Variants in NCKIPSD observed in about 807,000 individuals in gnomAD.
NCKIPSD encodes NCK interacting protein with SH3 domain, also known as NCK-interacting protein with SH3 domain.
NCKIPSD carries 48 observed loss-of-function variants against 73.4 expected under a neutral mutation model. That is an observed-to-expected ratio of 0.65 (90% CI 0.52 to 0.83). The LOEUF is 0.83. Among genes scored for constraint, NCKIPSD ranks in the 40% least tolerant of loss-of-function variants. The pLI is 0.00. For synonymous variants in NCKIPSD, 422 were observed against 403.6 expected (o/e 1.05, Z -0.54); for missense variants, 884 against 970.2 (o/e 0.91, Z 1.18).
In NCKIPSD at chr3:48,680,080, T is replaced by C. The variant is rs529209255; in HGVS notation, c.1242A>G (p.Leu414=). 1.2e-4 allele frequency: 196 copies of C among 1,613,334 alleles called. No individual in the cohort carries two copies. Among genetic ancestry groups the C allele is most frequent in the Non-Finnish European group, 1.6e-4 (187 of 1,179,454 alleles). Residue 414 remains leucine, a synonymous_variant, in exon 6 of 13, where the codon CTA becomes CTG. Coordinates refer to ENST00000294129, the MANE Select transcript of NCKIPSD (RefSeq NM_016453.4). The part of the protein sequence containing the change: ...YEDEGVIRCY[L]EELLHILTDA... ...TTACCAGAATATGCAGCAGCTCCTC[T>C]AGGTAGCAGCGGATGACACCCTCAT...
intron 12 of NCKIPSD, 116 bp from the exon 13 acceptor site, chr3:48,674,863 C>T: frequency 1.9e-6 from 2 of 1,028,154 alleles, no homozygotes; most frequent in Non-Finnish European, 2.9e-6. Flanking sequence ...AACATCAGGG[C>T]TGCATCCCCA....
chr3:48,681,921 T>G, intron 4 of NCKIPSD, 124 bp downstream of exon 4: 1 of 1,463,080 alleles, frequency 6.8e-7, no homozygotes. Flanking sequence ...AGCCCCTAAT[T>G]GCCCCAAAAT....
intron 1 of NCKIPSD, among the ~76,000 whole-genome samples, chr3:48,685,081 G>T (rs1022716856): frequency 4.6e-5 from 7 of 151,080 alleles, no homozygotes; most frequent in African/African-American, 1.5e-4. Context: ...GGTCCAAGTT[G>T]GGGGGTTGAG....
At position 48,674,490 on chromosome 3, in the gene NCKIPSD, CCT is replaced by C. The variant is rs548613940; in HGVS notation, c.*52_*53del. The C allele has an allele frequency of 1.8e-4, 271 of 1,542,470 alleles. 1 individual carries two copies. The Middle Eastern group carries it at 4.7e-3, about 27-fold the overall frequency. On this transcript the variant is annotated 3_prime_UTR_variant, in exon 13 of 13. Transcript: ENST00000294129. ...TGCAAAACATTCTTAGGGCCAAGCCCCTGAGTCCCCTGCACACTGACTGGAGC... is the reference window on the plus strand; with the variant it reads ...TGCAAAACATTCTTAGGGCCAAGCCCGAGTCCCCTGCACACTGACTGGAGC...
chr3:48,674,385 T>C lies in NCKIPSD; in HGVS notation c.*159A>G. On this transcript the variant is annotated 3_prime_UTR_variant, in exon 13 of 13. Transcript: ENST00000294129. ...CAGACCATGGTCCCCAATCCTACAC[T>C]TGGCCCCTCTCTTAAGTTCTACTTC... is the stretch of plus-strand genomic sequence containing the variant. The C allele has an allele frequency of 1.4e-6, 2 of 1,452,536 alleles. No homozygotes were observed. The highest frequency in any genetic ancestry group is 1.8e-6 in the Non-Finnish European group (2 of 1,104,628). 90.0% of individuals were successfully genotyped at this position (1,452,536 alleles called of 1,614,324 possible).
rs1347348988 is a variant in NCKIPSD at position 48,685,662 on chromosome 3, G to T, written c.146C>A (p.Pro49Gln). ...RARSGETGYV[P>Q]PAYLRRLQGL... is the part of the protein sequence containing the mutation. ...CTGCAGGCGGCGCAGGTAGGCTGGC[G>T]GCACGTAGCCCGTCTCACCACTGCG... Residue 49 changes from proline to glutamine, a missense_variant, in exon 1 of 13, where the codon CCG becomes CAG. Pro to Gln is a moderately conservative substitution (Grantham distance 76). Coordinates refer to ENST00000294129, the MANE Select transcript of NCKIPSD (RefSeq NM_016453.4). The T allele has an allele frequency of 2.6e-6, 4 of 1,525,656 alleles. No individual in the cohort carries two copies. The South Asian group carries it at 3.6e-5, about 14-fold the overall frequency. 94.5% of individuals were successfully genotyped at this position (1,525,656 alleles called of 1,614,324 possible).
rs755027188 is a variant in NCKIPSD at position 48,678,879 on chromosome 3, C to A, written c.1790G>T (p.Gly597Val). The A allele has an allele frequency of 2.2e-5, 36 of 1,613,776 alleles. No homozygotes were observed. The highest frequency in any genetic ancestry group is 1.6e-4 in the Middle Eastern group (1 of 6,084). Residue 597 changes from glycine to valine, a missense_variant and splice_region_variant, in exon 11 of 13, where the codon GGG (glycine) becomes GTG (valine). By Grantham distance (109) the Gly-to-Val change is moderately radical. Transcript: ENST00000294129. The part of the protein sequence containing the change: ...SEKLLLLLNR[G>V]DDPVRIFKHE... ...CGCGCAGATTCCCGGGCCCTCACCC[C>A]CTCTGTTCAGGAGCAACAACAGCTT...
intron 7 of NCKIPSD, 42 bp from the exon 8 acceptor site, chr3:48,679,755 AC>A (rs779189284): frequency 6.2e-7 from 1 of 1,614,084 alleles, no homozygotes; most frequent in Non-Finnish European, 8.5e-7. Flanking sequence ...GAACTCCCCC[AC>A]TATCTAGGTC....
intron 12 of NCKIPSD, 141 bp downstream of exon 12, chr3:48,678,423 G>T: frequency 9.0e-7 from 1 of 1,112,972 alleles, no homozygotes; most frequent in Non-Finnish European, 1.2e-6. Flanking sequence ...TTTGGGTCTT[G>T]GTGCACCTAT....
chr3:48,680,423 G>A (rs1403526424), intron 5 of NCKIPSD, among the ~76,000 whole-genome samples, 194 bp from the exon 6 acceptor site: 3 of 152,152 alleles, frequency 2.0e-5, no homozygotes, highest in African/African-American at 7.2e-5. Context: ...AGACTCATCT[G>A]TAGGGGGTTT....
chr3:48,681,931 T>C (rs1168058900), intron 4 of NCKIPSD, 114 bp downstream of exon 4: 5 of 1,468,898 alleles, frequency 3.4e-6, no homozygotes, highest in Non-Finnish European at 4.6e-6. Context: ...TGCCCCAAAA[T>C]GGGAGTCCTG....
Position 48,680,086 on chromosome 3 carries a change from G to A in NCKIPSD, c.1236C>T (p.Cys412=), listed in dbSNP as rs767354590. The change falls in exon 6 of 13, where the codon TGC becomes TGT. Residue 412 remains cysteine (C), a synonymous_variant. Transcript: ENST00000294129. ...GAATATGCAGCAGCTCCTCTAGGTAGCAGCGGATGACACCCTCATCCTCAT... is the reference window on the plus strand; with the variant it reads ...GAATATGCAGCAGCTCCTCTAGGTAACAGCGGATGACACCCTCATCCTCAT... ...ALYEDEGVIR[C]YLEELLHILT... The A allele has an allele frequency of 4.3e-6, 7 of 1,613,618 alleles. No individual in the cohort carries two copies. The African/African-American group carries it at 8.0e-5, about 18-fold the overall frequency.
At chr3:48,683,162 G>C (rs975630624) in intron 1 of NCKIPSD, 150 bp from the exon 2 acceptor site, 1 of 1,395,144 alleles carries the variant, frequency 7.2e-7, no homozygotes, top group Non-Finnish European at 9.7e-7. Flanking sequence ...CCAGAATATG[G>C]AATGGGGTTC....
chr3:48,684,958 G>A (rs1300211804), intron 1 of NCKIPSD, among the ~76,000 whole-genome samples: 1 of 151,944 alleles, frequency 6.6e-6, no homozygotes, highest in African/African-American at 2.4e-5. Context: ...TTCAAATAAG[G>A]TTGGTAGAGA....
At chr3:48,675,929 C>T (rs2106743545) in intron 12 of NCKIPSD, among the ~76,000 whole-genome samples, 1 of 152,284 alleles carries the variant, frequency 6.6e-6, no homozygotes, top group South Asian at 2.1e-4. Flanking sequence ...TCCCTCATTT[C>T]TCTTTTTACC....
intron 12 of NCKIPSD, among the ~76,000 whole-genome samples, chr3:48,675,818 T>C (rs1347799016): frequency 1.3e-5 from 2 of 152,028 alleles, no homozygotes; most frequent in African/African-American, 2.4e-5. Context: ...AGTGCTGGGA[T>C]TACAGGCGTG....
intron 12 of NCKIPSD, among the ~76,000 whole-genome samples, chr3:48,675,478 C>G (rs1326543468): frequency 2.1e-5 from 3 of 146,088 alleles, no homozygotes; most frequent in Non-Finnish European, 3.0e-5. Flanking sequence ...TGAACCAGTT[C>G]CAACAGCCCT....
intron 1 of NCKIPSD, among the ~76,000 whole-genome samples, 162 bp downstream of exon 1, chr3:48,685,475 C>T (rs1240039050): frequency 6.6e-6 from 1 of 152,008 alleles, no homozygotes. Flanking sequence ...TCTCAGTCCC[C>T]GTGGGTCCGG....
At chr3:48,679,965 A>C in intron 6 of NCKIPSD, 78 bp from the exon 7 acceptor site, 1 of 1,611,892 alleles carries the variant, frequency 6.2e-7, no homozygotes, top group Non-Finnish European at 8.5e-7. Context: ...CTGAGCACAT[A>C]TGTGTAGGGG....
Sources: gnomAD v4.1 joint callset for allele counts (sites outside exome capture counted in the v4.1 genomes callset) on GRCh38, gnomAD v4.1.1 for gene constraint, MANE v1.5 for transcripts, NCBI Gene and HGNC (gene_info 2026-07-23, HGNC 2026-07-21) for gene names.